Variants in SSBP2 observed in about 807,000 individuals in gnomAD.
SSBP2 encodes single stranded DNA binding protein 2, also known as single-stranded DNA-binding protein 2.
In SSBP2, 17 loss-of-function variants were observed where a neutral mutation model predicts 61.8. The ratio of observed to expected loss-of-function variants is 0.28; its 90% CI spans 0.19 to 0.41. SSBP2 has a LOEUF of 0.41. SSBP2 is among the 10% of genes least tolerant of loss of function. The probability of loss-of-function intolerance (pLI) is 1.00; values close to 1 mark genes in which losing one functional copy is unlikely to be tolerated. For synonymous variants in SSBP2, 139 were observed against 141.3 expected (o/e 0.98, Z 0.12); for missense variants, 310 against 458.7 (o/e 0.68, Z 2.96).
intron 1 of SSBP2, among the ~76,000 whole-genome samples, chr5:81,726,136 A>G (rs549618817): frequency 6.6e-6 from 1 of 152,346 alleles, no homozygotes; most frequent in Non-Finnish European, 1.5e-5. Context: ...AATGAGAACT[A>G]TTTTAAATAA....
In SSBP2 at chr5:81,415,477, T is replaced by C. The variant is rs895511010; in HGVS notation, c.*5027A>G. 6 of 152,328 alleles carry C rather than the reference T, an allele frequency of 3.9e-5. No individual in the cohort carries two copies. The highest frequency in any genetic ancestry group is 3.4e-3 in the Middle Eastern group (1 of 294). The allele number at this position is 152,328 out of a possible 1,614,324, so 9.4% of individuals were successfully genotyped here. ...CATGGAAATCATTGTTACAATGTAT[T>C]ATTTGTAATTATTGTTGTATTATTG... On this transcript the variant is annotated 3_prime_UTR_variant, in exon 17 of 17. Transcript: ENST00000320672.
intron 9 of SSBP2, among the ~76,000 whole-genome samples, chr5:81,461,607 G>T (rs766116633): frequency 1.4e-4 from 21 of 151,224 alleles, no homozygotes; most frequent in African/African-American, 5.1e-4. Flanking sequence ...AAAAACCACA[G>T]AGTATCACAC....
chr5:81,600,224 C>T (rs928421850), intron 4 of SSBP2, among the ~76,000 whole-genome samples: 3 of 152,080 alleles, frequency 2.0e-5, no homozygotes, highest in African/African-American at 7.2e-5. Context: ...ATAATGCATA[C>T]AACACCTAAA....
At position 81,543,043 on chromosome 5, in the gene SSBP2, C is replaced by T. The variant is rs574572342; in HGVS notation, c.283-29326G>A. Among the ~76,000 whole-genome samples the T allele has an allele frequency of 1.8e-4, 27 of 152,062 alleles. No homozygotes were observed. The South Asian group carries it at 2.5e-3, about 14-fold the overall frequency. On this transcript the variant is annotated intron_variant, in intron 4 of 16. Transcript: ENST00000320672. ...TTAATTTTTGTATTTTTAGTAGAGA[C>T]GGGGTTTCACCATGGTGGCCAGGGT... is the stretch of plus-strand genomic sequence containing the variant.
intron 4 of SSBP2, among the ~76,000 whole-genome samples, chr5:81,591,263 TA>T (rs768343914): frequency 4.6e-5 from 7 of 152,180 alleles, no homozygotes; most frequent in Non-Finnish European, 8.8e-5. Context: ...AGCCCTTGAC[TA>T]AATTTAACTG....
intron 4 of SSBP2, among the ~76,000 whole-genome samples, chr5:81,599,701 C>A (rs1021865657): frequency 6.6e-6 from 1 of 152,244 alleles, no homozygotes; most frequent in African/African-American, 2.4e-5. Context: ...GCTCTGACAT[C>A]TCTGCTTTTT....
intron 1 of SSBP2, among the ~76,000 whole-genome samples, chr5:81,733,147 A>G (rs1446002692): frequency 6.6e-6 from 1 of 152,202 alleles, no homozygotes; most frequent in Non-Finnish European, 1.5e-5. Context: ...GAATCCTCCA[A>G]TAATAGATAA....
intron 1 of SSBP2, among the ~76,000 whole-genome samples, chr5:81,714,132 C>T (rs893340774): frequency 1.8e-4 from 27 of 152,138 alleles, no homozygotes; most frequent in Admixed American, 1.4e-3. Flanking sequence ...TGTTCAGCTT[C>T]CACTTATAAC....
At chr5:81,488,420 G>C (rs1766595928) in intron 6 of SSBP2, among the ~76,000 whole-genome samples, 1 of 151,920 alleles carries the variant, frequency 6.6e-6, no homozygotes, top group Non-Finnish European at 1.5e-5. Flanking sequence ...CATCCTTACA[G>C]CTGTGTGGTG....
rs1761477280 is a variant in SSBP2 at position 81,419,625 on chromosome 5, A to G, written c.*879T>C. On this transcript the variant is annotated 3_prime_UTR_variant, in exon 17 of 17. Transcript: ENST00000320672. The stretch of plus-strand genomic sequence containing the variant: ...AAAGAGAAAAGATGTTGCTAAATAT[A>G]TGACAACCCCGGTCACTTTATTGCT... The G allele has an allele frequency of 6.6e-6, 1 of 152,214 alleles. No homozygotes were observed. The highest frequency in any genetic ancestry group is 2.4e-5 in the African/African-American group (1 of 41,462). The allele number at this position is 152,214 out of a possible 1,614,324, so 9.4% of individuals were successfully genotyped here. A position where few individuals can be genotyped will look rare whatever the true frequency, so the allele number is the denominator to read the frequency against.
At chr5:81,515,682 AT>A (rs35158992) in intron 4 of SSBP2, among the ~76,000 whole-genome samples, 29,974 of 149,576 alleles carry the variant, frequency 0.2, 3,066 homozygotes, top group Non-Finnish European at 0.22. Context: ...CTAATTGCTT[AT>A]TTTTTTTTTC....
intron 2 of SSBP2, among the ~76,000 whole-genome samples, chr5:81,643,991 A>G (rs1372134605): frequency 2.6e-5 from 4 of 152,200 alleles, no homozygotes; most frequent in Non-Finnish European, 4.4e-5. Flanking sequence ...CAGATCATCT[A>G]AAACTGTGCT....
chr5:81,447,057 G>T, intron 11 of SSBP2, 135 bp from the exon 12 acceptor site: 2 of 605,798 alleles, frequency 3.3e-6, no homozygotes, highest in Non-Finnish European at 5.4e-6. Context: ...TTCTTTGACT[G>T]CACAATCATT....
chr5:81,451,058 A>G (rs1034785488), intron 10 of SSBP2, among the ~76,000 whole-genome samples: 1 of 152,208 alleles, frequency 6.6e-6, no homozygotes, highest in African/African-American at 2.4e-5. Context: ...GGGGGAAAAA[A>G]AGCCCTGATT....
intron 9 of SSBP2, among the ~76,000 whole-genome samples, chr5:81,461,883 T>TTTAGTA (rs1764569676): frequency 6.6e-6 from 1 of 152,216 alleles, no homozygotes; most frequent in Non-Finnish European, 1.5e-5. Flanking sequence ...TCTCTTGTCC[T>TTTAGTA]CATACTTTAG....
chr5:81,657,969 T>C (rs1262342683), intron 1 of SSBP2, among the ~76,000 whole-genome samples: 1 of 152,154 alleles, frequency 6.6e-6, no homozygotes, highest in Non-Finnish European at 1.5e-5. Flanking sequence ...CAACATGATG[T>C]CTTGATACAT....
intron 5 of SSBP2, among the ~76,000 whole-genome samples, chr5:81,491,673 T>C (rs1250865206): frequency 6.6e-6 from 1 of 152,090 alleles, no homozygotes; most frequent in Admixed American, 6.6e-5. Context: ...TACTCTTATA[T>C]GTCCTCCTTT....
chr5:81,661,075 G>A (rs1326817468), intron 1 of SSBP2, among the ~76,000 whole-genome samples: 2 of 152,102 alleles, frequency 1.3e-5, no homozygotes, highest in Non-Finnish European at 2.9e-5. Context: ...TTAACACCTA[G>A]ATGACAGGTT....
At chr5:81,435,643 CT>C (rs1762628451) in intron 15 of SSBP2, among the ~76,000 whole-genome samples, 1 of 152,140 alleles carries the variant, frequency 6.6e-6, no homozygotes, top group South Asian at 2.1e-4. Flanking sequence ...ATCATTATGA[CT>C]TTTTAAAAAT....
Sources: gnomAD v4.1 joint callset for allele counts (sites outside exome capture counted in the v4.1 genomes callset) on GRCh38, gnomAD v4.1.1 for gene constraint, MANE v1.5 for transcripts, NCBI Gene and HGNC (gene_info 2026-07-23, HGNC 2026-07-21) for gene names.